Variants in PTPRT observed in about 807,000 individuals in gnomAD.
PTPRT encodes the protein protein tyrosine phosphatase receptor type T.
Under a neutral mutation model 176.8 loss-of-function variants are expected in PTPRT, and 56 were observed. That is an observed-to-expected ratio of 0.32 (90% CI 0.26 to 0.40). The LOEUF is 0.40. PTPRT is among the 10% of genes least tolerant of loss of function. PTPRT has a pLI of 1.00. For synonymous variants in PTPRT, 783 were observed against 739.0 expected, an observed-to-expected ratio of 1.06 and a Z score of -0.96; for missense variants, 1,540 against 1,908.2, an observed-to-expected ratio of 0.81 and a Z score of 3.60.
chr20:42,651,915 G>C (rs2075038281), intron 7 of PTPRT, among the ~76,000 whole-genome samples: 1 of 152,038 alleles, frequency 6.6e-6, no homozygotes, highest in African/African-American at 2.4e-5. Flanking sequence ...GGGCTTGGTG[G>C]TGTGTGCCTG....
At chr20:42,132,799 C>A (rs1600566999) in intron 18 of PTPRT, among the ~76,000 whole-genome samples, 1 of 152,252 alleles carries the variant, frequency 6.6e-6, no homozygotes, top group Non-Finnish European at 1.5e-5. Flanking sequence ...CATACTATAT[C>A]TAGCAATTGT....
At chr20:42,329,834 A>G (rs1394740494) in intron 11 of PTPRT, among the ~76,000 whole-genome samples, 1 of 152,212 alleles carries the variant, frequency 6.6e-6, no homozygotes, top group Non-Finnish European at 1.5e-5. Flanking sequence ...CTTAAACATC[A>G]TTTAAAATAA....
At chr20:42,353,697 G>A (rs1213579985) in intron 9 of PTPRT, among the ~76,000 whole-genome samples, 1 of 152,190 alleles carries the variant, frequency 6.6e-6, no homozygotes, top group East Asian at 1.9e-4. Flanking sequence ...AAATTACACA[G>A]TTGTGAAGTG....
Position 42,574,360 on chromosome 20 carries a change from C to T in PTPRT, c.1154-101798G>A, listed in dbSNP as rs541535130. The stretch of plus-strand genomic sequence containing the variant: ...ACTATTGACATTTCCCAGCCTACTC[C>T]ACTTTGGTTAAAAAGAAAGTGTCCA... On this transcript the variant is annotated intron_variant, in intron 7 of 30. Coordinates refer to ENST00000373187, the MANE Select transcript of PTPRT (RefSeq NM_007050.6). 2.6e-5 allele frequency among the ~76,000 whole-genome samples: 4 copies of T among 152,286 alleles called. No homozygotes were observed. The South Asian group carries it at 8.3e-4, about 32-fold the overall frequency.
chr20:42,336,790 C>T (rs1283541252), intron 11 of PTPRT, among the ~76,000 whole-genome samples: 1 of 152,028 alleles, frequency 6.6e-6, no homozygotes, highest in East Asian at 1.9e-4. Flanking sequence ...ATTTCATAAA[C>T]CAAGAACATG....
intron 2 of PTPRT, among the ~76,000 whole-genome samples, chr20:42,871,619 T>C (rs767593146): frequency 6.6e-6 from 1 of 152,188 alleles, no homozygotes; most frequent in Non-Finnish European, 1.5e-5. Context: ...TTCACTCTCA[T>C]GTTTAGGTCT....
intron 3 of PTPRT, among the ~76,000 whole-genome samples, chr20:42,781,527 T>C (rs1204127522): frequency 1.3e-5 from 2 of 152,208 alleles, no homozygotes; most frequent in Non-Finnish European, 2.9e-5. Context: ...TTTGGTTTTC[T>C]CTGTCTACCC....
At chr20:43,118,701 G>C (rs535484486) in intron 1 of PTPRT, among the ~76,000 whole-genome samples, 216 of 152,282 alleles carry the variant, frequency 1.4e-3, no homozygotes, top group African/African-American at 5.0e-3. Context: ...ACCTCCCAAA[G>C]TGCTGGGATT....
chr20:42,159,821 G>T (rs1989512305), intron 17 of PTPRT, among the ~76,000 whole-genome samples: 1 of 152,058 alleles, frequency 6.6e-6, no homozygotes. Flanking sequence ...GGACCAGATA[G>T]GTCCTGAGAG....
chr20:42,883,510 G>A (rs907960562), intron 2 of PTPRT, among the ~76,000 whole-genome samples: 3 of 151,924 alleles, frequency 2.0e-5, no homozygotes, highest in African/African-American at 7.3e-5. Context: ...AAGGGGAAAT[G>A]GGTAAATCAA....
At chr20:42,569,112 A>ATATAT (rs1344948586) in intron 7 of PTPRT, among the ~76,000 whole-genome samples, 12 of 114,006 alleles carry the variant, frequency 1.1e-4, no homozygotes, top group Admixed American at 2.0e-4. Flanking sequence ...ATATATATAT[A>ATATAT]ATTTCAACTT....
chr20:42,354,561 T>C (rs2058331869), intron 9 of PTPRT, among the ~76,000 whole-genome samples: 1 of 152,218 alleles, frequency 6.6e-6, no homozygotes, highest in African/African-American at 2.4e-5. Flanking sequence ...GTGTTTCCTG[T>C]GTACTCCTGT....
chr20:43,008,686 A>G (rs1028250684), intron 1 of PTPRT, among the ~76,000 whole-genome samples: 11 of 152,148 alleles, frequency 7.2e-5, no homozygotes, highest in African/African-American at 2.7e-4. Context: ...ATGAGACTCC[A>G]TCTCAAAAAA....
intron 13 of PTPRT, chr20:42,270,363 T>TGG: frequency 1.1e-4 from 149 of 1,332,538 alleles, no homozygotes; most frequent in Non-Finnish European, 1.4e-4. Flanking sequence ...TGGGCAACTC[T>TGG]CCCCTCCCAC....
intron 13 of PTPRT, among the ~76,000 whole-genome samples, chr20:42,277,296 T>C (rs953465547): frequency 1.3e-5 from 2 of 152,206 alleles, no homozygotes; most frequent in East Asian, 3.9e-4. Context: ...TCTGGGTTTA[T>C]TTTGTCTCAA....
intron 1 of PTPRT, among the ~76,000 whole-genome samples, chr20:42,939,988 A>C (rs1348184571): frequency 6.6e-6 from 1 of 152,208 alleles, no homozygotes; most frequent in East Asian, 1.9e-4. Flanking sequence ...AGCAATGGAT[A>C]AGAATAGACT....
At chr20:42,534,031 G>A (rs1251996017) in intron 7 of PTPRT, among the ~76,000 whole-genome samples, 5 of 152,164 alleles carry the variant, frequency 3.3e-5, no homozygotes, top group Non-Finnish European at 5.9e-5. Context: ...AACACTGAAG[G>A]AAGACAGGTC....
At chr20:42,134,620 T>C (rs558222858) in intron 18 of PTPRT, among the ~76,000 whole-genome samples, 27 of 152,308 alleles carry the variant, frequency 1.8e-4, no homozygotes, top group African/African-American at 6.5e-4. Context: ...CAAAGACCAC[T>C]AGTATGCTGG....
Position 42,969,279 on chromosome 20 carries a change from A to G in PTPRT, c.89-83347T>C, listed in dbSNP as rs562648283. The G allele has an allele frequency of 2.0e-5, 3 of 152,280 alleles. No homozygotes were observed. In the East Asian group the frequency reaches 5.8e-4, roughly 29 times the overall value. 9.4% of individuals were successfully genotyped at this position (152,280 alleles called of 1,614,324 possible). ...TCATTTATTTCCTTCTTTCTTTACC[A>G]GAACAACCAAAACCCAGTGAAAATG... On this transcript the variant is annotated intron_variant, in intron 1 of 30. Transcript: ENST00000373187.
Sources: gnomAD v4.1 joint callset for allele counts (sites outside exome capture counted in the v4.1 genomes callset) on GRCh38, gnomAD v4.1.1 for gene constraint, MANE v1.5 for transcripts, NCBI Gene and HGNC (gene_info 2026-07-23, HGNC 2026-07-21) for gene names.